Variants in LATS2 observed in about 807,000 individuals in gnomAD.
LATS2 encodes serine/threonine-protein kinase LATS2.
In LATS2, 24 loss-of-function variants were observed where a neutral mutation model predicts 76.0. That is an observed-to-expected ratio of 0.32 (90% CI 0.23 to 0.44). LATS2 has a LOEUF of 0.44. Ranked by LOEUF, LATS2 falls within the 20% of genes least tolerant of loss-of-function variation. LATS2 has a pLI of 1.00. For synonymous variants in LATS2, 692 were observed against 635.4 expected (o/e 1.09, Z -1.34); for missense variants, 1,286 against 1,481.2 (o/e 0.87, Z 2.16).
chr13:21,046,512 A>G (rs533247709), intron 1 of LATS2, among the ~76,000 whole-genome samples: 1 of 152,358 alleles, frequency 6.6e-6, no homozygotes, highest in South Asian at 2.1e-4. Context: ...AACAACTGAC[A>G]GCTCATTTAA....
chr13:20,988,537 G>T lies in LATS2; in HGVS notation c.1243C>A (p.Arg415=). 6.4e-7 allele frequency: 1 copy of T among 1,574,714 alleles called. No homozygotes were observed. The highest frequency in any genetic ancestry group is 8.6e-7 in the Non-Finnish European group (1 of 1,169,194). ...TCGGCCTTGCCAGGCGGACCGGGCC[G>T]CGGCTGGTGGCTGTTGAAGGAGTTG... is the stretch of plus-strand genomic sequence containing the variant. ...RTNSFNSHQP[R]PGPPGKAEPS... Residue 415 remains arginine (R), a synonymous_variant, in exon 4 of 8, where the codon CGG becomes AGG. Coordinates refer to ENST00000382592, the MANE Select transcript of LATS2 (RefSeq NM_014572.3).
intron 7 of LATS2, among the ~76,000 whole-genome samples, chr13:20,979,318 G>A (rs111934794): frequency 1.3e-5 from 2 of 152,036 alleles, no homozygotes; most frequent in Non-Finnish European, 2.9e-5. Context: ...TTGCTGAGGG[G>A]TGAACTATAG....
At chr13:21,020,894 C>G (rs150596037) in intron 2 of LATS2, among the ~76,000 whole-genome samples, 5 of 152,166 alleles carry the variant, frequency 3.3e-5, no homozygotes, top group Non-Finnish European at 1.5e-5. Flanking sequence ...CCAGACTGGA[C>G]CAAGGACACA....
At chr13:21,058,092 C>T (rs1873505953) in intron 1 of LATS2, among the ~76,000 whole-genome samples, 1 of 152,202 alleles carries the variant, frequency 6.6e-6, no homozygotes, top group Admixed American at 6.5e-5. Flanking sequence ...ATGTTTAGAG[C>T]TAGAAGTCAG....
intron 2 of LATS2, among the ~76,000 whole-genome samples, chr13:21,030,960 T>C (rs142359259): frequency 1.1e-4 from 17 of 152,278 alleles, no homozygotes; most frequent in African/African-American, 3.9e-4. Context: ...TACGACACTT[T>C]CATTTCAGAA....
chr13:21,006,657 G>A (rs1157622999), intron 2 of LATS2, among the ~76,000 whole-genome samples: 1 of 152,164 alleles, frequency 6.6e-6, no homozygotes, highest in African/African-American at 2.4e-5. Context: ...CCAGACAAAG[G>A]CTGCCTGGAA....
intron 1 of LATS2, among the ~76,000 whole-genome samples, chr13:21,046,487 AAGAAC>A (rs1253443774): frequency 6.6e-6 from 1 of 152,262 alleles, no homozygotes; most frequent in Non-Finnish European, 1.5e-5. Context: ...AACTCAGGGC[AAGAAC>A]AGTAGTATTA....
At chr13:20,987,563 T>G (rs1870213088) in intron 4 of LATS2, among the ~76,000 whole-genome samples, 1 of 152,266 alleles carries the variant, frequency 6.6e-6, no homozygotes, top group African/African-American at 2.4e-5. Flanking sequence ...CCATGATGAA[T>G]TTTGTTAAGC....
chr13:21,019,845 A>G (rs1399191397), intron 2 of LATS2, among the ~76,000 whole-genome samples: 2 of 150,528 alleles, frequency 1.3e-5, no homozygotes, highest in East Asian at 4.0e-4. Flanking sequence ...GTGGTGGTGC[A>G]CTCCTGTAAT....
chr13:20,987,668 T>C (rs752792340), intron 4 of LATS2, among the ~76,000 whole-genome samples: 8 of 152,226 alleles, frequency 5.3e-5, no homozygotes, highest in South Asian at 4.1e-4. Context: ...CAGCTATCTC[T>C]GATTCTTCAG....
At position 20,988,560 on chromosome 13, in the gene LATS2, T is replaced by G; in HGVS notation, c.1220A>C (p.Asn407Thr). 1 of 1,583,688 alleles carries G rather than the reference T, an allele frequency of 6.3e-7. No individual in the cohort carries two copies. Among genetic ancestry groups the G allele is most frequent in the Non-Finnish European group, 8.5e-7 (1 of 1,173,464 alleles). ...RPDCPVPSRT[N>T]SFNSHQPRPG... ...CCGCGGCTGGTGGCTGTTGAAGGAGTTGGTCCTGCTGGGCACTGGGCAGTC... is the reference window on the plus strand; with the variant it reads ...CCGCGGCTGGTGGCTGTTGAAGGAGGTGGTCCTGCTGGGCACTGGGCAGTC... The change falls in exon 4 of 8, where the codon AAC (asparagine) becomes ACC (threonine). Residue 407 changes from asparagine (N) to threonine (T), a missense_variant. Physicochemically the swap from Asn to Thr is moderately conservative, Grantham distance 65 (BLOSUM62 0). Transcript: ENST00000382592.
chr13:20,993,268 G>C (rs1870590094), intron 2 of LATS2, among the ~76,000 whole-genome samples: 1 of 152,182 alleles, frequency 6.6e-6, no homozygotes, highest in Admixed American at 6.5e-5. Flanking sequence ...AGGACAAGAA[G>C]AACCTGGCAG....
intron 1 of LATS2, among the ~76,000 whole-genome samples, chr13:21,057,864 T>G (rs1400130299): frequency 6.6e-6 from 1 of 152,162 alleles, no homozygotes. Context: ...CTTAAAATAC[T>G]GAGAGAACAG....
intron 1 of LATS2, among the ~76,000 whole-genome samples, chr13:21,052,126 C>A (rs1223415402): frequency 6.6e-6 from 1 of 152,160 alleles, no homozygotes; most frequent in Non-Finnish European, 1.5e-5. Context: ...GTCTAACACC[C>A]GCTACTGTCT....
In LATS2 at chr13:20,988,168, C is replaced by A; in HGVS notation, c.1612G>T (p.Ala538Ser). The change falls in exon 4 of 8, where the codon GCA (alanine) becomes TCA (serine). Residue 538 changes from alanine to serine, a missense_variant. Ala to Ser is a moderately conservative substitution (Grantham distance 99). Coordinates refer to ENST00000382592, the MANE Select transcript of LATS2 (RefSeq NM_014572.3). ...GCACGGAGGCTCTGCTCCATGCCTG[C>A]GCACAGGCTGTCCAGGTCGTACTGC... ...SEQYDLDSLCAGMEQSLRAGP... is the reference protein window; with the variant it reads ...SEQYDLDSLCSGMEQSLRAGP... 6.2e-7 allele frequency: 1 copy of A among 1,613,884 alleles called. No homozygotes were observed. Among genetic ancestry groups the A allele is most frequent in the South Asian group, 1.1e-5 (1 of 91,066 alleles).
At chr13:21,014,014 A>AGAAGAGGAG (rs1871699181) in intron 2 of LATS2, among the ~76,000 whole-genome samples, 1 of 151,566 alleles carries the variant, frequency 6.6e-6, no homozygotes, top group Non-Finnish European at 1.5e-5. Flanking sequence ...GAGGAGGAAG[A>AGAAGAGGAG]GAAGAGGAGG....
intron 3 of LATS2, among the ~76,000 whole-genome samples, chr13:20,989,671 C>G (rs750781702): frequency 1.3e-5 from 2 of 152,186 alleles, no homozygotes; most frequent in Admixed American, 6.5e-5. Flanking sequence ...TTTCAAAACC[C>G]TATCATGCCC....
intron 2 of LATS2, among the ~76,000 whole-genome samples, chr13:21,012,939 G>A (rs1565954201): frequency 6.6e-6 from 1 of 152,188 alleles, no homozygotes; most frequent in East Asian, 1.9e-4. Context: ...AATGCTCCAA[G>A]TACTTGTTTC....
In LATS2 at chr13:20,988,343, C is replaced by CGGAGCGGGGGCG; in HGVS notation, c.1436_1437insCGCCCCCGCTCC (p.Pro477_Ala480dup). ...CCTTGGCGTCCAAGCCCTCCGCAGC[C>CGGAGCGGGGGCG]GGGGCGGGGGCGGGGGCGGGGGCCG... On this transcript the variant is annotated inframe_insertion, in exon 4 of 8. Coordinates refer to ENST00000382592, the MANE Select transcript of LATS2 (RefSeq NM_014572.3). 7.7e-7 allele frequency: 1 copy of CGGAGCGGGGGCG among 1,298,770 alleles called. No individual in the cohort carries two copies. 80.5% of individuals were successfully genotyped at this position (1,298,770 alleles called of 1,614,324 possible). A position where few individuals can be genotyped will look rare whatever the true frequency, so the allele number is the denominator to read the frequency against.
Sources: gnomAD v4.1 joint callset for allele counts (sites outside exome capture counted in the v4.1 genomes callset) on GRCh38, gnomAD v4.1.1 for gene constraint, MANE v1.5 for transcripts, NCBI Gene and HGNC (gene_info 2026-07-23, HGNC 2026-07-21) for gene names.